The following CCZ1 variants were observed in gnomAD, a reference collection of about 807,000 sequenced individuals.
CCZ1 encodes the protein vacuolar fusion protein CCZ1 homolog.
Under a neutral mutation model 57.8 loss-of-function variants are expected in CCZ1, and 19 were observed. The observed-to-expected ratio is 0.33, with a 90% CI of 0.23 to 0.48. The LOEUF is 0.48. CCZ1 is among the 20% of genes least tolerant of loss of function. The probability of loss-of-function intolerance (pLI) is 0.99; values close to 1 mark genes in which losing one functional copy is unlikely to be tolerated. For synonymous variants in CCZ1, 81 were observed against 167.0 expected, an observed-to-expected ratio of 0.49 and a Z score of 3.97; for missense variants, 200 against 492.0, an observed-to-expected ratio of 0.41 and a Z score of 5.61.
intron 12 of CCZ1, among the ~76,000 whole-genome samples, chr7:5,920,457 T>C (rs1318557422): frequency 9.4e-6 from 1 of 106,336 alleles, no homozygotes; most frequent in Non-Finnish European, 2.0e-5. Flanking sequence ...GTCCTTGAAT[T>C]CTTTCTCCCT....
At chr7:5,915,616 C>T (rs1478233889) in intron 10 of CCZ1, among the ~76,000 whole-genome samples, 4 of 151,152 alleles carry the variant, frequency 2.6e-5, no homozygotes, top group Non-Finnish European at 5.9e-5. Context: ...TTTCTAGTTG[C>T]AAAGTTCATG....
At chr7:5,912,566 A>C (rs1342091258) in intron 9 of CCZ1, among the ~76,000 whole-genome samples, 3 of 146,118 alleles carry the variant, frequency 2.1e-5, no homozygotes, top group Non-Finnish European at 4.5e-5. Context: ...CGACCAGCTA[A>C]TTTTTGTAGT....
intron 4 of CCZ1, 129 bp from the exon 5 acceptor site, chr7:5,901,528 C>G: frequency 2.9e-6 from 4 of 1,371,494 alleles, no homozygotes; most frequent in Non-Finnish European, 3.8e-6. Context: ...TTTCAGCACG[C>G]AACTATTGTG....
At chr7:5,920,975 A>T (rs1779231425) in intron 12 of CCZ1, among the ~76,000 whole-genome samples, 1 of 92,334 alleles carries the variant, frequency 1.1e-5, no homozygotes, top group African/African-American at 4.7e-5. Context: ...TTTTTTTAAG[A>T]CAGAGTCTCA....
chr7:5,902,422 A>C (rs1781705566), intron 5 of CCZ1: 1 of 593,562 alleles, frequency 1.7e-6, no homozygotes, highest in African/African-American at 2.0e-5. Flanking sequence ...GTAAGTTGAA[A>C]TTTTTGAAAG....
At chr7:5,924,821 G>GT (rs1265016583) in intron 14 of CCZ1, 5 of 85,612 alleles carry the variant, frequency 5.8e-5, no homozygotes, top group African/African-American at 8.4e-5. Context: ...CAGTGTAAGC[G>GT]TTTTTTTCCC....
chr7:5,921,150 C>G (rs1326751756), intron 12 of CCZ1, among the ~76,000 whole-genome samples: 1 of 125,410 alleles, frequency 8.0e-6, no homozygotes, highest in African/African-American at 3.1e-5. Flanking sequence ...AGACTGGTCT[C>G]GAACTCCTGA....
At chr7:5,914,028 G>T (rs1394115056) in intron 10 of CCZ1, among the ~76,000 whole-genome samples, 1 of 143,808 alleles carries the variant, frequency 7.0e-6, no homozygotes, top group Non-Finnish European at 1.5e-5. Flanking sequence ...CAGCCTTCTG[G>T]TTCCCTCATT....
chr7:5,907,816 A>AACAGCCTCTTACT, intron 7 of CCZ1, among the ~76,000 whole-genome samples: 1 of 9,430 alleles, frequency 1.1e-4, no homozygotes, highest in African/African-American at 4.3e-4. Context: ...CTTCAAGCAA[A>AACAGCCTCTTACT]ACAGGCGCCA....
At chr7:5,920,469 G>GTTTTT (rs1562546070) in intron 12 of CCZ1, among the ~76,000 whole-genome samples, 2 of 22,144 alleles carry the variant, frequency 9.0e-5, no homozygotes, top group Non-Finnish European at 1.5e-4. Context: ...TTTCTCCCTG[G>GTTTTT]CTTTTTTTTT....
chr7:5,907,823 G>T (rs1438620376), intron 7 of CCZ1, among the ~76,000 whole-genome samples: 7 of 24,456 alleles, frequency 2.9e-4, no homozygotes, highest in East Asian at 2.4e-3. Context: ...CAAAACAGGC[G>T]CCAATGCTTA....
intron 12 of CCZ1, among the ~76,000 whole-genome samples, chr7:5,920,585 C>T (rs2128614961): frequency 7.7e-6 from 1 of 129,698 alleles, no homozygotes; most frequent in South Asian, 2.2e-4. Flanking sequence ...GATTCTCATG[C>T]CTCATCCTCT....
In CCZ1 at chr7:5,910,083, C is replaced by G. The variant is rs1781933816; in HGVS notation, c.747C>G (p.Thr249=). 1 of 1,579,178 alleles carries G rather than the reference C, an allele frequency of 6.3e-7. No individual in the cohort carries two copies. Among genetic ancestry groups the G allele is most frequent in the East Asian group, 2.3e-5 (1 of 44,078 alleles). Residue 249 remains threonine, a synonymous_variant, in exon 8 of 15, where the codon ACC becomes ACG. Coordinates refer to ENST00000325974, the MANE Select transcript of CCZ1 (RefSeq NM_015622.6). ...DDMRILYKYL[T]TSLFPRHIEP... Reference sequence around the variant, plus strand: ...TGAGAATTTTATACAAATACCTTACCACCTCCCTTTTTCCAAGGCACATCG... The same window carrying G: ...TGAGAATTTTATACAAATACCTTACGACCTCCCTTTTTCCAAGGCACATCG...
At position 5,916,636 on chromosome 7, in the gene CCZ1, C is replaced by G. The variant is rs2528338; in HGVS notation, c.955-2231C>G. Among the ~76,000 whole-genome samples the G allele has an allele frequency of 2.2e-3, 315 of 145,350 alleles. 1 individual carries two copies. The highest frequency in any genetic ancestry group is 7.2e-3 in the East Asian group (37 of 5,170). ...TTCCCCATCGAGGATGTGTGGCTGTCTCTATGGAGTGTTGACATCCAGGGA... is the reference window on the plus strand; with the variant it reads ...TTCCCCATCGAGGATGTGTGGCTGTGTCTATGGAGTGTTGACATCCAGGGA... On this transcript the variant is annotated intron_variant, in intron 10 of 14. Transcript: ENST00000325974.
At chr7:5,909,993 A>G in intron 7 of CCZ1, 42 bp from the exon 8 acceptor site, 2 of 1,570,232 alleles carry the variant, frequency 1.3e-6, no homozygotes, top group Non-Finnish European at 1.7e-6. Context: ...AAGACAGAAG[A>G]CAGTTCCAAA....
intron 7 of CCZ1, among the ~76,000 whole-genome samples, chr7:5,905,998 C>T (rs1429701540): frequency 2.1e-5 from 3 of 144,058 alleles, no homozygotes; most frequent in African/African-American, 7.8e-5. Flanking sequence ...CCGCCTCAGC[C>T]TCCCAAAGTG....
chr7:5,907,109 C>T (rs574342237), intron 7 of CCZ1, among the ~76,000 whole-genome samples: 5 of 149,638 alleles, frequency 3.3e-5, no homozygotes, highest in African/African-American at 1.2e-4. Context: ...GATCCGCCCA[C>T]CTTGGCCTCC....
intron 6 of CCZ1, among the ~76,000 whole-genome samples, chr7:5,903,999 G>A (rs1213446677): frequency 7.0e-6 from 1 of 143,072 alleles, no homozygotes; most frequent in Non-Finnish European, 1.5e-5. Context: ...ATCTCGGGGG[G>A]GGAAATAAAG....
At chr7:5,906,323 C>CTTTTTTT (rs398066572) in intron 7 of CCZ1, among the ~76,000 whole-genome samples, 2 of 128,030 alleles carry the variant, frequency 1.6e-5, no homozygotes, top group African/African-American at 6.0e-5. Context: ...TTCTTTCTTT[C>CTTTTTTT]TTTTTTTTTT....
Sources: gnomAD v4.1 joint callset for allele counts (sites outside exome capture counted in the v4.1 genomes callset) on GRCh38, gnomAD v4.1.1 for gene constraint, MANE v1.5 for transcripts, NCBI Gene and HGNC (gene_info 2026-07-23, HGNC 2026-07-21) for gene names.